The following AGPAT5 variants were observed in gnomAD, a reference collection of about 807,000 sequenced individuals.
AGPAT5 encodes 1-acyl-sn-glycerol-3-phosphate acyltransferase epsilon.
Under a neutral mutation model 45.6 loss-of-function variants are expected in AGPAT5, and 46 were observed. The observed-to-expected ratio is 1.01, with a 90% CI of 0.80 to 1.29. AGPAT5 has a LOEUF of 1.29. Among genes scored for constraint, AGPAT5 ranks in the 50% most tolerant of loss-of-function variants. The pLI is 0.00. For synonymous variants in AGPAT5, 272 were observed against 167.0 expected, an observed-to-expected ratio of 1.63 and a Z score of -4.85; for missense variants, 673 against 450.7, an observed-to-expected ratio of 1.49 and a Z score of -4.47.
Position 6,759,769 on chromosome 8 carries a change from C to T in AGPAT5, c.*2381C>T, listed in dbSNP as rs1447717528. The T allele has an allele frequency of 6.6e-6, 1 of 152,096 alleles. No individual in the cohort carries two copies. Among genetic ancestry groups the T allele is most frequent in the Non-Finnish European group, 1.5e-5 (1 of 68,024 alleles). 9.4% of individuals were successfully genotyped at this position (152,096 alleles called of 1,614,324 possible). On this transcript the variant is annotated 3_prime_UTR_variant, in exon 8 of 8. Coordinates refer to ENST00000285518, the MANE Select transcript of AGPAT5 (RefSeq NM_018361.5). The stretch of plus-strand genomic sequence containing the variant: ...CCCTGCATTCTTCACAATATTTTTC[C>T]CTAAGCTTTGAGCAAAGTTTTAAAA...
At chr8:6,715,939 G>C (rs755754106) in intron 1 of AGPAT5, among the ~76,000 whole-genome samples, 2 of 152,096 alleles carry the variant, frequency 1.3e-5, no homozygotes, top group Non-Finnish European at 2.9e-5. Flanking sequence ...TTGAAGCATG[G>C]CATTCAAGGT....
At chr8:6,720,609 C>T (rs1422345966) in intron 1 of AGPAT5, among the ~76,000 whole-genome samples, 5 of 152,160 alleles carry the variant, frequency 3.3e-5, no homozygotes, top group East Asian at 1.9e-4. Context: ...AAGAAGGAAG[C>T]ACTGTCTTTA....
chr8:6,729,759 A>C (rs1344448383), intron 2 of AGPAT5, among the ~76,000 whole-genome samples: 1 of 152,232 alleles, frequency 6.6e-6, no homozygotes, highest in African/African-American at 2.4e-5. Context: ...AACAACTTCT[A>C]GGAAGTTTTT....
rs1235059879 is a variant in AGPAT5, at chr8:6,758,369, C to T, written c.*981C>T. On this transcript the variant is annotated 3_prime_UTR_variant, in exon 8 of 8. Transcript: ENST00000285518. ...TCACAGAATATTCATTCAGAAGTCG[C>T]GTTTCTGTAGTGTGGTGGATTCCCA... The T allele has an allele frequency of 6.5e-6, 1 of 152,768 alleles. No homozygotes were observed. The highest frequency in any genetic ancestry group is 1.9e-4 in the East Asian group (1 of 5,188). 9.5% of individuals were successfully genotyped at this position (152,768 alleles called of 1,614,324 possible).
At chr8:6,720,526 A>G (rs1337258825) in intron 1 of AGPAT5, among the ~76,000 whole-genome samples, 1 of 152,198 alleles carries the variant, frequency 6.6e-6, no homozygotes, top group African/African-American at 2.4e-5. Flanking sequence ...TGGCAGAGTT[A>G]AATGACCCCA....
intron 1 of AGPAT5, chr8:6,709,251 T>TA: frequency 3.2e-6 from 1 of 308,452 alleles, no homozygotes; most frequent in South Asian, 2.9e-5. Flanking sequence ...TTGGAACAGA[T>TA]CGGAGACGTC....
intron 5 of AGPAT5, among the ~76,000 whole-genome samples, chr8:6,744,660 C>G (rs541887958): frequency 6.6e-6 from 1 of 152,212 alleles, no homozygotes; most frequent in Non-Finnish European, 1.5e-5. Flanking sequence ...GGAAATGGCA[C>G]TGGCTCGCCC....
At chr8:6,722,998 G>A (rs1371016394) in intron 1 of AGPAT5, among the ~76,000 whole-genome samples, 1 of 152,162 alleles carries the variant, frequency 6.6e-6, no homozygotes, top group Non-Finnish European at 1.5e-5. Flanking sequence ...CAAATTATTT[G>A]CAGGGTACAT....
At chr8:6,746,999 A>G (rs1188069445) in intron 5 of AGPAT5, among the ~76,000 whole-genome samples, 1 of 152,234 alleles carries the variant, frequency 6.6e-6, no homozygotes, top group African/African-American at 2.4e-5. Context: ...TATGTCAGAT[A>G]TACCCAAGAG....
At chr8:6,720,986 A>G (rs1366169134) in intron 1 of AGPAT5, among the ~76,000 whole-genome samples, 2 of 152,210 alleles carry the variant, frequency 1.3e-5, no homozygotes, top group East Asian at 3.8e-4. Context: ...CTATTTTGAA[A>G]GCTTATGAAG....
chr8:6,733,625 G>C (rs1388175540), intron 4 of AGPAT5, among the ~76,000 whole-genome samples: 3 of 152,230 alleles, frequency 2.0e-5, no homozygotes, highest in Non-Finnish European at 4.4e-5. Flanking sequence ...GTCTGAAACA[G>C]TGTGGTGAAT....
chr8:6,728,169 C>A (rs1385284990), intron 2 of AGPAT5, among the ~76,000 whole-genome samples: 2 of 152,198 alleles, frequency 1.3e-5, no homozygotes, highest in East Asian at 3.8e-4. Flanking sequence ...CTCCTCTCCT[C>A]CAAGTTAATG....
intron 2 of AGPAT5, among the ~76,000 whole-genome samples, chr8:6,728,184 C>G (rs1451018529): frequency 6.6e-6 from 1 of 152,220 alleles, no homozygotes; most frequent in South Asian, 2.1e-4. Flanking sequence ...TTAATGGGAA[C>G]TATGACTCTG....
chr8:6,760,152 T>C lies in AGPAT5; in HGVS notation c.*2764T>C, dbSNP rs996067256. Among the ~76,000 whole-genome samples the C allele has an allele frequency of 6.6e-6, 1 of 152,144 alleles. No individual in the cohort carries two copies. Among genetic ancestry groups the C allele is most frequent in the East Asian group, 1.9e-4 (1 of 5,194 alleles). ...GTCTGTGTCAATCAAGTGATCTAACTAGACTGATCATAGATAGAAGGAAAT... is the reference window on the plus strand; with the variant it reads ...GTCTGTGTCAATCAAGTGATCTAACCAGACTGATCATAGATAGAAGGAAAT... On this transcript the variant is annotated 3_prime_UTR_variant, in exon 8 of 8. Transcript: ENST00000285518.
At chr8:6,743,394 C>A (rs1274093520) in intron 5 of AGPAT5, among the ~76,000 whole-genome samples, 1 of 152,162 alleles carries the variant, frequency 6.6e-6, no homozygotes, top group African/African-American at 2.4e-5. Flanking sequence ...CTTGACTGGC[C>A]CAAAAGGATG....
chr8:6,717,708 C>G (rs28640978), intron 1 of AGPAT5, among the ~76,000 whole-genome samples: 1 of 152,136 alleles, frequency 6.6e-6, no homozygotes, highest in African/African-American at 2.4e-5. Context: ...GTAGTTAACG[C>G]CAGCTCTTGG....
At chr8:6,731,638 A>G (rs926614782) in intron 3 of AGPAT5, among the ~76,000 whole-genome samples, 1 of 152,188 alleles carries the variant, frequency 6.6e-6, no homozygotes, top group African/African-American at 2.4e-5. Context: ...TGAAAGAGCA[A>G]AAATGCAAAT....
intron 2 of AGPAT5, among the ~76,000 whole-genome samples, chr8:6,729,190 A>G (rs928200675): frequency 2.6e-5 from 4 of 152,220 alleles, no homozygotes; most frequent in Non-Finnish European, 5.9e-5. Flanking sequence ...TAAAATGGCT[A>G]AATCTTTTTT....
intron 6 of AGPAT5, 81 bp from the exon 7 acceptor site, chr8:6,754,970 T>C: frequency 8.4e-7 from 1 of 1,196,428 alleles, no homozygotes; most frequent in Non-Finnish European, 1.1e-6. Flanking sequence ...TTTTGTCCTG[T>C]TACCTTATTT....
Sources: allele counts gnomAD v4.1 joint callset (sites outside exome capture counted in the v4.1 genomes callset), GRCh38; gene constraint gnomAD v4.1.1; transcripts MANE v1.5; gene names NCBI Gene and HGNC (gene_info 2026-07-23, HGNC 2026-07-21).